SSR3: variants seen among roughly 807,000 people sequenced by gnomAD.
SSR3 encodes signal sequence receptor subunit 3, also known as translocon-associated protein subunit gamma.
In SSR3, 10 loss-of-function variants were observed where a neutral mutation model predicts 22.1. The ratio of observed to expected loss-of-function variants is 0.45; its 90% CI spans 0.28 to 0.77. The LOEUF (loss-of-function observed/expected upper bound fraction) is 0.77. SSR3 is among the 30% of genes least tolerant of loss of function. The pLI, the probability that SSR3 is intolerant of heterozygous loss-of-function variation, is 0.13. For synonymous variants in SSR3, 104 were observed against 82.5 expected, an observed-to-expected ratio of 1.26 and a Z score of -1.42; for missense variants, 181 against 220.5, an observed-to-expected ratio of 0.82 and a Z score of 1.13.
chr3:156,553,890 A>C, intron 1 of SSR3, 109 bp from the exon 2 acceptor site: 1 of 1,119,618 alleles, frequency 8.9e-7, no homozygotes, highest in Non-Finnish European at 1.2e-6. Flanking sequence ...ATACCAGGTT[A>C]TTAGTTATGC....
chr3:156,541,159 T>C lies in SSR3; in HGVS notation c.*2044A>G, dbSNP rs1719471680. 2 of 152,032 alleles carry C rather than the reference T, an allele frequency of 1.3e-5. No homozygotes were observed. The highest frequency in any genetic ancestry group is 2.9e-5 in the Non-Finnish European group (2 of 67,942). The allele number at this position is 152,032 out of a possible 1,614,324, so 9.4% of individuals were successfully genotyped here. A position where few individuals can be genotyped will look rare whatever the true frequency, so the allele number is the denominator to read the frequency against. On this transcript the variant is annotated 3_prime_UTR_variant, in exon 5 of 5. Transcript: ENST00000265044. ...AGGAATATTCGGCTGATACCCCTAT[T>C]TCACCACCTCATCTAAGCTACACTG...
At chr3:156,546,226 G>A (rs1719755309) in intron 3 of SSR3, among the ~76,000 whole-genome samples, 1 of 152,152 alleles carries the variant, frequency 6.6e-6, no homozygotes, top group South Asian at 2.1e-4. Flanking sequence ...AAAATCTGAT[G>A]GTTTAAAAAT....
At chr3:156,549,941 T>C (rs1461929729) in intron 2 of SSR3, among the ~76,000 whole-genome samples, 1 of 152,212 alleles carries the variant, frequency 6.6e-6, no homozygotes, top group Non-Finnish European at 1.5e-5. Context: ...ATGAACTTTT[T>C]ACTCCGAAGA....
Position 156,553,777 on chromosome 3 carries a change from T to C in SSR3, c.138A>G (p.Leu46=), listed in dbSNP as rs1720050091. 1 of 1,595,292 alleles carries C rather than the reference T, an allele frequency of 6.3e-7. No homozygotes were observed. Among genetic ancestry groups the C allele is most frequent in the East Asian group, 2.2e-5 (1 of 44,508 alleles). ...GATCCATATGCCATATTCGCCAGTA[T>C]AACCCTGAATTAAAATAAAAGGGGG... The part of the protein sequence containing the change: ...AFIVSAIPIW[L]YWRIWHMDLI... Residue 46 remains leucine (L), a synonymous_variant, in exon 2 of 5, where the codon TTA becomes TTG. Transcript: ENST00000265044.
Position 156,544,382 on chromosome 3 carries a change from G to A in SSR3, c.417C>T (p.Phe139=). Reference sequence around the variant, plus strand: ...CGACCAGGAACAGAGTGTTGTTATAGAAGATGGAAAATGTTGTAGCTTCAT... The same window carrying A: ...CGACCAGGAACAGAGTGTTGTTATAAAAGATGGAAAATGTTGTAGCTTCAT... ...ADYEATTFSI[F]YNNTLFLVVV... Residue 139 remains phenylalanine, a synonymous_variant, in exon 4 of 5, where the codon TTC becomes TTT. Transcript: ENST00000265044. The A allele has an allele frequency of 6.3e-7, 1 of 1,597,972 alleles. No individual in the cohort carries two copies. Among genetic ancestry groups the A allele is most frequent in the Non-Finnish European group, 8.5e-7 (1 of 1,172,266 alleles).
chr3:156,553,509 CA>C, intron 2 of SSR3, 145 bp downstream of exon 2: 1 of 768,610 alleles, frequency 1.3e-6, no homozygotes, highest in East Asian at 3.0e-5. Context: ...TTCTTCCTAG[CA>C]TCAATGTTCC....
At position 156,540,338 on chromosome 3, in the gene SSR3, G is replaced by C. The variant is rs1206470155; in HGVS notation, c.*2865C>G. The C allele has an allele frequency of 6.6e-6, 1 of 151,974 alleles. No homozygotes were observed. Among genetic ancestry groups the C allele is most frequent in the Admixed American group, 6.5e-5 (1 of 15,278 alleles). 9.4% of individuals were successfully genotyped at this position (151,974 alleles called of 1,614,324 possible). A position where few individuals can be genotyped will look rare whatever the true frequency, so the allele number is the denominator to read the frequency against. ...ATATCAATCTAGGCCGGGCGCGGTG[G>C]CTCACGCCTGTAATTCCAGCACTTT... On this transcript the variant is annotated 3_prime_UTR_variant, in exon 5 of 5. Transcript: ENST00000265044.
chr3:156,551,117 A>C (rs1349129915), intron 2 of SSR3, among the ~76,000 whole-genome samples: 1 of 152,128 alleles, frequency 6.6e-6, no homozygotes, highest in African/African-American at 2.4e-5. Flanking sequence ...TAGCATATTT[A>C]ATATAAAGCC....
intron 1 of SSR3, among the ~76,000 whole-genome samples, chr3:156,554,492 A>G (rs1375057874): frequency 6.6e-6 from 1 of 152,312 alleles, no homozygotes; most frequent in East Asian, 1.9e-4. Context: ...AAATTATGCA[A>G]TGGTGTGAAG....
chr3:156,543,693 G>A (rs1294091115), intron 4 of SSR3, among the ~76,000 whole-genome samples: 4 of 152,168 alleles, frequency 2.6e-5, no homozygotes, highest in Non-Finnish European at 4.4e-5. Context: ...CTAAAAGTTC[G>A]AAGCTACTCC....
intron 3 of SSR3, among the ~76,000 whole-genome samples, chr3:156,545,025 C>T (rs561526848): frequency 6.6e-6 from 1 of 152,312 alleles, no homozygotes; most frequent in East Asian, 1.9e-4. Flanking sequence ...TTCTATTTTA[C>T]TTGTTCTGAT....
chr3:156,554,295 C>A (rs532475731), intron 1 of SSR3, among the ~76,000 whole-genome samples: 4 of 152,316 alleles, frequency 2.6e-5, no homozygotes, highest in Admixed American at 6.5e-5. Context: ...AAATGCCCAA[C>A]AACAGTGCAG....
At chr3:156,548,830 C>CCAAA in intron 3 of SSR3, 75 bp downstream of exon 3, 1 of 1,563,954 alleles carries the variant, frequency 6.4e-7, no homozygotes, top group South Asian at 1.2e-5. Flanking sequence ...AATCCAAATT[C>CCAAA]TTTAAGCAAA....
intron 1 of SSR3, 144 bp downstream of exon 1, chr3:156,554,813 T>C: frequency 9.3e-7 from 1 of 1,075,644 alleles, no homozygotes; most frequent in South Asian, 1.6e-5. Flanking sequence ...AGAGGCTCCG[T>C]GCCTCCCCGA....
chr3:156,551,886 G>A (rs987809774), intron 2 of SSR3, among the ~76,000 whole-genome samples: 11 of 152,180 alleles, frequency 7.2e-5, no homozygotes, highest in African/African-American at 2.4e-4. Flanking sequence ...AAAGGATGAT[G>A]TGAGGGCTGA....
At chr3:156,549,089 T>C (rs1719861287) in intron 2 of SSR3, 86 bp from the exon 3 acceptor site, 1 of 1,344,616 alleles carries the variant, frequency 7.4e-7, no homozygotes, top group Admixed American at 2.4e-5. Flanking sequence ...GTACTCATAT[T>C]TCGTACTGGC....
chr3:156,543,187 G>T lies in SSR3; in HGVS notation c.*16C>A. ...CCACCCATAGACACAAAGCCAGGGG[G>T]TGAAGCTGACATGGTCTATTTGGAG... On this transcript the variant is annotated 3_prime_UTR_variant, in exon 5 of 5. Coordinates refer to ENST00000265044, the MANE Select transcript of SSR3 (RefSeq NM_007107.5). 1.2e-6 allele frequency: 2 copies of T among 1,612,310 alleles called. No homozygotes were observed. Among genetic ancestry groups the T allele is most frequent in the Non-Finnish European group, 1.7e-6 (2 of 1,179,168 alleles).
At position 156,543,104 on chromosome 3, in the gene SSR3, TA is replaced by T; in HGVS notation, c.*98del. On this transcript the variant is annotated 3_prime_UTR_variant, in exon 5 of 5. Coordinates refer to ENST00000265044, the MANE Select transcript of SSR3 (RefSeq NM_007107.5). ...TGGGTTTTTTAAAGGCTCTAGACTA[TA>T]AAAACATCTTGTGTCTCCCACCCTG... 9.8e-7 allele frequency: 1 copy of T among 1,016,964 alleles called. No homozygotes were observed. Among genetic ancestry groups the T allele is most frequent in the Non-Finnish European group, 1.5e-6 (1 of 673,378 alleles). 63.0% of individuals were successfully genotyped at this position (1,016,964 alleles called of 1,614,324 possible).
chr3:156,553,405 A>G lies in SSR3; in HGVS notation c.260+250T>C, dbSNP rs1000660182. Among the ~76,000 whole-genome samples, 4 of 152,206 alleles carry G rather than the reference A, an allele frequency of 2.6e-5. 1 individual carries two copies. Among genetic ancestry groups the G allele is most frequent in the African/African-American group, 9.6e-5 (4 of 41,452 alleles). ...TTGTTTCTCTGATGAACCTCATATTAAGGCCTGTGTTTAAGTGTTCTAATT... is the reference window on the plus strand; with the variant it reads ...TTGTTTCTCTGATGAACCTCATATTGAGGCCTGTGTTTAAGTGTTCTAATT... On this transcript the variant is annotated intron_variant, in intron 2 of 4. Coordinates refer to ENST00000265044, the MANE Select transcript of SSR3 (RefSeq NM_007107.5).
Sources: gnomAD v4.1 joint callset for allele counts (sites outside exome capture counted in the v4.1 genomes callset) on GRCh38, gnomAD v4.1.1 for gene constraint, MANE v1.5 for transcripts, NCBI Gene and HGNC (gene_info 2026-07-23, HGNC 2026-07-21) for gene names.